The following ZNF831 variants were observed in gnomAD, a reference collection of about 807,000 sequenced individuals.
The protein encoded by ZNF831 is zinc finger protein 831.
In ZNF831, 59 loss-of-function variants were observed where a neutral mutation model predicts 95.8. The ratio of observed to expected loss-of-function variants is 0.62; its 90% CI spans 0.50 to 0.77. ZNF831 has a LOEUF of 0.77. ZNF831 is among the 30% of genes least tolerant of loss of function. ZNF831 has a pLI of 0.00. For missense variants in ZNF831, 2,205 were observed against 2,164.0 expected, an observed-to-expected ratio of 1.02 and a Z score of -0.38; for synonymous variants, 961 against 925.5, an observed-to-expected ratio of 1.04 and a Z score of -0.70.
upstream of ZNF831, among the ~76,000 whole-genome samples, chr20:59,163,658 T>C (rs1272523669): frequency 6.6e-6 from 1 of 151,804 alleles, no homozygotes; most frequent in Non-Finnish European, 1.5e-5. Flanking sequence ...GGCAGCAAGC[T>C]CTTTATAGGT....
chr20:59,186,687 A>G (rs1346790649), intron 1 of ZNF831, among the ~76,000 whole-genome samples: 2 of 152,178 alleles, frequency 1.3e-5, no homozygotes, highest in Non-Finnish European at 2.9e-5. Flanking sequence ...TTTATCTTCC[A>G]TTCCTATTAG....
chr20:59,165,750 T>A (rs923156856), intron 1 of ZNF831, among the ~76,000 whole-genome samples: 4 of 152,096 alleles, frequency 2.6e-5, no homozygotes, highest in Non-Finnish European at 4.4e-5. Flanking sequence ...CCTTTTTTTT[T>A]CTTCTTTTTT....
In ZNF831 at chr20:59,192,813, C is replaced by T. The variant is rs1983717149; in HGVS notation, c.1794C>T (p.Gly598=). 6.2e-7 allele frequency: 1 copy of T among 1,610,820 alleles called. No homozygotes were observed. ...KRTAAREAMA[G]KGRAGGRKCG... is the part of the protein sequence containing the mutation. ...CTGCTGCGCGGGAGGCCATGGCCGG[C>T]AAGGGCAGAGCGGGCGGCAGGAAGT... Residue 598 remains glycine (G), a synonymous_variant, in exon 2 of 6, where the codon GGC becomes GGT. Coordinates refer to ENST00000371030, the MANE Select transcript of ZNF831 (RefSeq NM_178457.3). This position sits in a 1 kb window ranked among gnomAD's most constrained non-coding sequence, Gnocchi z 5.2.
intron 1 of ZNF831, among the ~76,000 whole-genome samples, chr20:59,175,413 AT>A (rs1014380959): frequency 2.6e-4 from 38 of 146,094 alleles, no homozygotes; most frequent in African/African-American, 6.1e-4. Flanking sequence ...GAGGCTGTTC[AT>A]TTTTTTTTTA....
intron 1 of ZNF831, among the ~76,000 whole-genome samples, chr20:59,176,074 C>T (rs945731634): frequency 6.6e-6 from 1 of 152,168 alleles, no homozygotes; most frequent in African/African-American, 2.4e-5. Context: ...TATTGCCTCC[C>T]ACAGAAAGAG....
At chr20:59,196,746 CA>C (rs1984145505) in intron 3 of ZNF831, among the ~76,000 whole-genome samples, 1 of 152,124 alleles carries the variant, frequency 6.6e-6, no homozygotes, top group African/African-American at 2.4e-5. Flanking sequence ...CCTCAGTTGT[CA>C]ACCTGTCAAC....
chr20:59,241,306 C>T (rs565300454), intron 4 of ZNF831, among the ~76,000 whole-genome samples: 2 of 152,068 alleles, frequency 1.3e-5, no homozygotes, highest in Non-Finnish European at 2.9e-5. Flanking sequence ...ATAACCGGCC[C>T]CCTCTATTTT....
At chr20:59,195,607 G>A (rs1984035106) in intron 2 of ZNF831, among the ~76,000 whole-genome samples, 1 of 152,194 alleles carries the variant, frequency 6.6e-6, no homozygotes, top group Admixed American at 6.5e-5. Flanking sequence ...TGGTCACCGT[G>A]TTTCTTTGGC....
chr20:59,216,809 A>T (rs1192890085), intron 4 of ZNF831, among the ~76,000 whole-genome samples: 1 of 152,306 alleles, frequency 6.6e-6, no homozygotes, highest in East Asian at 1.9e-4. Flanking sequence ...CCTGAGAACA[A>T]CAGGATTATG....
chr20:59,159,295 G>A (rs552716841), upstream of ZNF831, among the ~76,000 whole-genome samples: 55 of 152,146 alleles, frequency 3.6e-4, no homozygotes, highest in African/African-American at 1.2e-3. Flanking sequence ...GCCCAACAGC[G>A]CCCCTCTCCC....
chr20:59,187,228 C>T (rs73618647), intron 1 of ZNF831, among the ~76,000 whole-genome samples: 26,104 of 151,916 alleles, frequency 0.17, 2,521 homozygotes, highest in East Asian at 0.25. Context: ...CCCCCCAGCT[C>T]CAAATCTACA....
At chr20:59,184,791 G>A (rs1027414920) in intron 1 of ZNF831, among the ~76,000 whole-genome samples, 2 of 152,094 alleles carry the variant, frequency 1.3e-5, no homozygotes, top group African/African-American at 4.8e-5. Context: ...TTCTCTCTTT[G>A]CCCAGGCTCA....
Position 59,257,706 on chromosome 20 carries a change from A to G in ZNF831, c.*2963A>G, listed in dbSNP as rs973028136. On this transcript the variant is annotated 3_prime_UTR_variant, in exon 6 of 6. Transcript: ENST00000371030. Reference sequence around the variant, plus strand: ...AGATCAGGGATTTCCTTCTTTCCCCAGTGCTAATTTTCCCAGTGTTAATTT... The same window carrying G: ...AGATCAGGGATTTCCTTCTTTCCCCGGTGCTAATTTTCCCAGTGTTAATTT... 2.6e-5 allele frequency: 4 copies of G among 152,224 alleles called. No homozygotes were observed. Among genetic ancestry groups the G allele is most frequent in the Non-Finnish European group, 5.9e-5 (4 of 68,038 alleles). 9.4% of individuals were successfully genotyped at this position (152,224 alleles called of 1,614,324 possible).
chr20:59,225,523 C>T (rs8114597), intron 4 of ZNF831, among the ~76,000 whole-genome samples: 3 of 152,336 alleles, frequency 2.0e-5, no homozygotes, highest in South Asian at 2.1e-4. Flanking sequence ...GATTAATCAA[C>T]GTCTGTTGGA....
At chr20:59,129,120 C>G (rs571363189) in intron 1 of ZNF831, among the ~76,000 whole-genome samples, 8 of 152,178 alleles carry the variant, frequency 5.3e-5, no homozygotes, top group East Asian at 1.9e-4. Flanking sequence ...AGAGTTTTCC[C>G]GTGGTTCCTA....
chr20:59,252,938 A>G, intron 4 of ZNF831, 40 bp from the exon 5 acceptor site: 1 of 1,594,884 alleles, frequency 6.3e-7, no homozygotes, highest in East Asian at 2.2e-5. Context: ...TGCTAATTTT[A>G]TAATTCCAGT....
intron 1 of ZNF831, among the ~76,000 whole-genome samples, chr20:59,128,758 G>A (rs1979257015): frequency 6.6e-6 from 1 of 152,086 alleles, no homozygotes; most frequent in Non-Finnish European, 1.5e-5. Flanking sequence ...TTTTTATTTT[G>A]AAATTATTTA....
In ZNF831 at chr20:59,191,871, C is replaced by T. The variant is rs1308576755; in HGVS notation, c.852C>T (p.Pro284=). The T allele has an allele frequency of 6.2e-7, 1 of 1,613,142 alleles. No homozygotes were observed. The highest frequency in any genetic ancestry group is 1.7e-5 in the Admixed American group (1 of 60,026). The change falls in exon 2 of 6, where the codon CCC becomes CCT. Residue 284 remains proline, a synonymous_variant. Transcript: ENST00000371030. ...GAGAGGCTCCTTGGGACTCTGCCCC[C>T]ATGGCGTCACCTGGGCTCCCAGCGG... ...ADREAPWDSA[P]MASPGLPAAS...
chr20:59,206,423 A>G (rs1230777594), intron 3 of ZNF831, among the ~76,000 whole-genome samples: 1 of 152,268 alleles, frequency 6.6e-6, no homozygotes, highest in Non-Finnish European at 1.5e-5. Context: ...ACACGTGGCT[A>G]TTTAAATTCA....
Sources: gnomAD v4.1 joint callset for allele counts (sites outside exome capture counted in the v4.1 genomes callset) on GRCh38, gnomAD v4.1.1 for gene constraint, Gnocchi (gnomAD v3.1) non-coding constraint, MANE v1.5 for transcripts, NCBI Gene and HGNC (gene_info 2026-07-23, HGNC 2026-07-21) for gene names.